The following TMEM260 variants were observed in gnomAD, a reference collection of about 807,000 sequenced individuals.
The protein encoded by TMEM260 is transmembrane protein 260, also known as protein O-mannosyl-transferase TMEM260.
A neutral mutation model predicts 88.9 loss-of-function variants in TMEM260; 82 were observed. That is an observed-to-expected ratio of 0.92 (90% CI 0.77 to 1.11). The LOEUF is 1.11. Among genes scored for constraint, TMEM260 ranks in the 50% least tolerant of loss-of-function variants. The pLI is 0.00. For synonymous variants in TMEM260, 314 were observed against 309.3 expected (o/e 1.02, Z -0.16); for missense variants, 902 against 853.4 (o/e 1.06, Z -0.71).
At chr14:56,637,348 A>G (rs759033066) in intron 15 of TMEM260, among the ~76,000 whole-genome samples, 1 of 152,260 alleles carries the variant, frequency 6.6e-6, no homozygotes, top group Admixed American at 6.5e-5. Context: ...AGAGATGATA[A>G]AGAGTCATGG....
At chr14:56,580,319 T>C (rs1885038397) in intron 1 of TMEM260, among the ~76,000 whole-genome samples, 1 of 152,356 alleles carries the variant, frequency 6.6e-6, no homozygotes, top group African/African-American at 2.4e-5. Flanking sequence ...TGGTGGGGCT[T>C]ATCGACCTCT....
At position 56,621,653 on chromosome 14, in the gene TMEM260, T is replaced by TG. The variant is rs1479721832; in HGVS notation, c.1350dup (p.His451AlafsTer4). ...TTGCCAGGAAATTCTCTCCGTTACA[T>TG]GCATTACTGTGAGGGGTTGAGGCCT... On this transcript the variant is annotated frameshift_variant, in exon 11 of 16. Transcript: ENST00000261556. LOFTEE classifies it high-confidence loss of function. 36 of 1,613,228 alleles carry TG rather than the reference T, an allele frequency of 2.2e-5. No individual in the cohort carries two copies. Among genetic ancestry groups the TG allele is most frequent in the Non-Finnish European group, 2.9e-5 (34 of 1,179,682 alleles).
At chr14:56,635,142 TG>T (rs1377635616) in intron 14 of TMEM260, among the ~76,000 whole-genome samples, 190 bp downstream of exon 14, 1 of 152,198 alleles carries the variant, frequency 6.6e-6, no homozygotes, top group Non-Finnish European at 1.5e-5. Context: ...CAATAACCTC[TG>T]AGGTTATTTT....
intron 15 of TMEM260, among the ~76,000 whole-genome samples, chr14:56,644,355 C>G (rs1889810244): frequency 6.6e-6 from 1 of 152,134 alleles, no homozygotes; most frequent in African/African-American, 2.4e-5. Context: ...TGCCACATAT[C>G]TACAAATATC....
chr14:56,613,572 A>G (rs1050153752), intron 7 of TMEM260: 2 of 152,234 alleles, frequency 1.3e-5, no homozygotes, highest in Admixed American at 6.5e-5. Context: ...CATAGTAAAC[A>G]TACTGTTTTA....
rs183491949 is a variant in TMEM260, at chr14:56,644,333, T to C, written c.1870-2910T>C. Among the ~76,000 whole-genome samples the C allele has an allele frequency of 2.9e-3, 437 of 151,978 alleles. 4 individuals carry two copies. The highest frequency in any genetic ancestry group is 0.01 in the African/African-American group (418 of 41,428). On this transcript the variant is annotated intron_variant, in intron 15 of 15. Coordinates refer to ENST00000261556, the MANE Select transcript of TMEM260 (RefSeq NM_017799.4). ...ATAGACCAATGGAACAGAACAGAGG[T>C]CTCAGAAATAATGCCACATATCTAC...
At chr14:56,612,575 C>G in intron 7 of TMEM260, 1 of 369,250 alleles carries the variant, frequency 2.7e-6, no homozygotes, top group East Asian at 5.1e-5. Context: ...TTTTAATCAT[C>G]TCTAGATAAT....
rs185398911 is a variant in TMEM260, at chr14:56,640,832, G to A, written c.1869+4234G>A. The stretch of plus-strand genomic sequence containing the variant: ...CTGATGGAGCTGAAAACCACAGCAC[G>A]AGAACTACATGACAAATGCACAAGC... On this transcript the variant is annotated intron_variant, in intron 15 of 15. Transcript: ENST00000261556. 3.3e-3 allele frequency among the ~76,000 whole-genome samples: 501 copies of A among 152,298 alleles called. 5 individuals carry two copies. Among genetic ancestry groups the A allele is most frequent in the African/African-American group, 0.011 (449 of 41,566 alleles).
chr14:56,660,136 A>C, the TMEM260 span, among the ~76,000 whole-genome samples: 1 of 152,202 alleles, frequency 6.6e-6, no homozygotes, highest in Non-Finnish European at 1.5e-5. Flanking sequence ...TGTGTACTCT[A>C]TCCAGTAGAG....
chr14:56,646,730 T>C (rs906015837), intron 15 of TMEM260, among the ~76,000 whole-genome samples: 1 of 152,246 alleles, frequency 6.6e-6, no homozygotes, highest in Non-Finnish European at 1.5e-5. Context: ...GTCTGGATTG[T>C]TTTATCGTTG....
At chr14:56,630,002 C>T (rs1291668795) in intron 12 of TMEM260, among the ~76,000 whole-genome samples, 3 of 151,180 alleles carry the variant, frequency 2.0e-5, no homozygotes, top group East Asian at 3.9e-4. Flanking sequence ...GATTGTGCCA[C>T]TGCACTCCAG....
chr14:56,628,030 T>G (rs1048253306), intron 12 of TMEM260, among the ~76,000 whole-genome samples: 2 of 152,248 alleles, frequency 1.3e-5, no homozygotes, highest in African/African-American at 2.4e-5. Flanking sequence ...ATTGGCATAT[T>G]TCACTTAGTG....
chr14:56,646,047 G>C (rs778993414), intron 15 of TMEM260, among the ~76,000 whole-genome samples: 21 of 152,064 alleles, frequency 1.4e-4, no homozygotes, highest in Non-Finnish European at 2.4e-4. Context: ...CTCTGGCCTC[G>C]GCCTCCCAAA....
intron 3 of TMEM260, among the ~76,000 whole-genome samples, chr14:56,595,191 G>A (rs1339250979): frequency 6.6e-6 from 1 of 152,190 alleles, no homozygotes; most frequent in Non-Finnish European, 1.5e-5. Flanking sequence ...TGTAAGACTA[G>A]ATATGCCTTC....
chr14:56,619,696 C>T (rs1008654400), intron 10 of TMEM260, among the ~76,000 whole-genome samples: 2 of 152,140 alleles, frequency 1.3e-5, no homozygotes, highest in African/African-American at 4.8e-5. Context: ...TGAGATTGGA[C>T]TGGTATTATT....
At chr14:56,645,038 T>G (rs1046352384) in intron 15 of TMEM260, among the ~76,000 whole-genome samples, 2 of 150,986 alleles carry the variant, frequency 1.3e-5, no homozygotes, top group Non-Finnish European at 3.0e-5. Flanking sequence ...ACTTTTACAC[T>G]GTTGGTGGGA....
At chr14:56,652,153 A>T (rs1035343481), downstream of TMEM260, among the ~76,000 whole-genome samples, 3 of 152,178 alleles carry the variant, frequency 2.0e-5, no homozygotes, top group Admixed American at 1.3e-4. Context: ...TGGATTATGG[A>T]CCTAAGTGAA....
At chr14:56,653,736 C>CAAAAAAACAAAAAAAAA (rs10522889), downstream of TMEM260, among the ~76,000 whole-genome samples, 2 of 66,608 alleles carry the variant, frequency 3.0e-5, no homozygotes, top group South Asian at 5.6e-4. Flanking sequence ...CTCTTGTCTC[C>CAAAAAAACAAAAAAAAA]AAAACAAAAA....
At chr14:56,600,801 C>T (rs889768297) in intron 3 of TMEM260, among the ~76,000 whole-genome samples, 1 of 152,172 alleles carries the variant, frequency 6.6e-6, no homozygotes, top group Admixed American at 6.5e-5. Context: ...TTCCTGTAGA[C>T]TTAGTTTGAT....
Sources: allele counts gnomAD v4.1 joint callset (sites outside exome capture counted in the v4.1 genomes callset), GRCh38; gene constraint gnomAD v4.1.1; transcripts MANE v1.5; gene names NCBI Gene and HGNC (gene_info 2026-07-23, HGNC 2026-07-21).